The following PLEKHH1 variants were observed in gnomAD, a reference collection of about 807,000 sequenced individuals.
PLEKHH1 encodes pleckstrin homology, MyTH4 and FERM domain containing H1, also known as pleckstrin homology domain-containing family H member 1.
A neutral mutation model predicts 160.0 loss-of-function variants in PLEKHH1; 104 were observed. That is an observed-to-expected ratio of 0.65 (90% confidence interval 0.55 to 0.76). The LOEUF (loss-of-function observed/expected upper bound fraction) is 0.76. Among genes scored for constraint, PLEKHH1 ranks in the 30% least tolerant of loss-of-function variants. The pLI is 0.00. For missense variants in PLEKHH1, 1,427 were observed against 1,724.1 expected, an observed-to-expected ratio of 0.83 and a Z score of 3.05; for synonymous variants, 619 against 678.4, an observed-to-expected ratio of 0.91 and a Z score of 1.36.
chr14:67,577,970 C>T lies in PLEKHH1; in HGVS notation c.2575-53C>T, dbSNP rs1340671462. On this transcript the variant is annotated intron_variant, in intron 18 of 28. Coordinates refer to ENST00000329153, the MANE Select transcript of PLEKHH1 (RefSeq NM_020715.3). ...TGGAAAATGGCCAAGCCGTTGAGTTCTCTGAACCCAGGGGATGCTGGTCTG... is the reference window on the plus strand; with the variant it reads ...TGGAAAATGGCCAAGCCGTTGAGTTTTCTGAACCCAGGGGATGCTGGTCTG... The T allele has an allele frequency of 3.0e-5, 46 of 1,554,720 alleles. No individual in the cohort carries two copies. In the East Asian group the frequency reaches 7.9e-4, roughly 27 times the overall value.
In PLEKHH1 at chr14:67,578,429, C is replaced by T; in HGVS notation, c.2752-105C>T. The T allele has an allele frequency of 1.1e-6, 1 of 903,312 alleles. No individual in the cohort carries two copies. Among genetic ancestry groups the T allele is most frequent in the Non-Finnish European group, 1.8e-6 (1 of 567,410 alleles). 56.0% of individuals were successfully genotyped at this position (903,312 alleles called of 1,614,324 possible). ...CCCAGCACCCAGAGCAAGTTGGGGGCTCTGGTTTGGGGAAAGAGTGCTGAA... is the reference window on the plus strand; with the variant it reads ...CCCAGCACCCAGAGCAAGTTGGGGGTTCTGGTTTGGGGAAAGAGTGCTGAA... On this transcript the variant is annotated intron_variant, in intron 19 of 28. Transcript: ENST00000329153. The surrounding 1 kb of genome is among the most constrained non-coding windows in gnomAD (Gnocchi z 5.0).
chr14:67,572,744 T>C (rs1390607335), intron 11 of PLEKHH1, among the ~76,000 whole-genome samples: 1 of 152,132 alleles, frequency 6.6e-6, no homozygotes, highest in African/African-American at 2.4e-5. Flanking sequence ...ATGCCAGGGC[T>C]AGCATCCACT....
rs1256164738 is a variant in PLEKHH1, at chr14:67,588,267, T to G, written c.*1032T>G. 1 of 152,598 alleles carries G rather than the reference T, an allele frequency of 6.6e-6. No homozygotes were observed. The highest frequency in any genetic ancestry group is 2.4e-5 in the African/African-American group (1 of 41,434). 9.5% of individuals were successfully genotyped at this position (152,598 alleles called of 1,614,324 possible). ...TCGGTGAAGGCTGTGTTCACTGTAGTGGGCCATCATTTGTTTCCTTCTTCT... is the reference window on the plus strand; with the variant it reads ...TCGGTGAAGGCTGTGTTCACTGTAGGGGGCCATCATTTGTTTCCTTCTTCT... On this transcript the variant is annotated 3_prime_UTR_variant, in exon 29 of 29. Transcript: ENST00000329153.
intron 3 of PLEKHH1, among the ~76,000 whole-genome samples, chr14:67,557,026 T>C (rs530734587): frequency 1.3e-5 from 2 of 152,322 alleles, no homozygotes; most frequent in South Asian, 4.1e-4. Flanking sequence ...TCTGCCCTCC[T>C]CTTACCTATC....
intron 2 of PLEKHH1, among the ~76,000 whole-genome samples, chr14:67,551,590 G>T (rs1027059499): frequency 3.3e-5 from 5 of 152,076 alleles, no homozygotes; most frequent in African/African-American, 2.4e-5. Context: ...TCTCTCCCGT[G>T]GGTGCAAGGC....
At chr14:67,585,239 A>G (rs371590641) in intron 26 of PLEKHH1, 4 of 211,620 alleles carry the variant, frequency 1.9e-5, no homozygotes, top group Non-Finnish European at 3.7e-5. Context: ...CTAACAGAGC[A>G]GCTAGGGCTG....
At chr14:67,544,359 T>G (rs1158614669) in intron 2 of PLEKHH1, among the ~76,000 whole-genome samples, 1 of 152,112 alleles carries the variant, frequency 6.6e-6, no homozygotes, top group African/African-American at 2.4e-5. Context: ...GTGATACCCC[T>G]GGGGAGCCTG....
rs775016060 is a variant in PLEKHH1 at position 67,582,035 on chromosome 14, G to A, written c.3285-34G>A. 6.3e-7 allele frequency: 1 copy of A among 1,590,322 alleles called. No homozygotes were observed. The highest frequency in any genetic ancestry group is 8.6e-7 in the Non-Finnish European group (1 of 1,167,802). On this transcript the variant is annotated intron_variant, in intron 23 of 28. Transcript: ENST00000329153. This position sits in a 1 kb window ranked among gnomAD's most constrained non-coding sequence, Gnocchi z 5.0. The stretch of plus-strand genomic sequence containing the variant: ...AGCCCCATCCCTGTTTGGAATCCCT[G>A]CTGAGTCCTGGTTTCTTATTCTCTT...
chr14:67,558,397 T>G (rs1594760241), intron 4 of PLEKHH1, among the ~76,000 whole-genome samples: 2 of 152,032 alleles, frequency 1.3e-5, no homozygotes, highest in African/African-American at 4.8e-5. Flanking sequence ...TTAATGGAGG[T>G]GCCTTTGTAT....
rs2034140031 is a variant in PLEKHH1 at position 67,545,481 on chromosome 14, G to A, written c.126+3488G>A. ...TTCATACCTCAAATCAGTAGAGAGA[G>A]GAAATGAAAAAAGGAAAGTCTATTA... On this transcript the variant is annotated intron_variant, in intron 2 of 28. Transcript: ENST00000329153. 2.0e-5 allele frequency among the ~76,000 whole-genome samples: 3 copies of A among 151,590 alleles called. No individual in the cohort carries two copies. In the South Asian group the frequency reaches 6.2e-4, roughly 31 times the overall value.
In PLEKHH1 at chr14:67,562,234, C is replaced by T; in HGVS notation, c.603C>T (p.Gly201=). The part of the protein sequence containing the change: ...VPSEPGIQPM[G]QDSGSQAQGL... ...CAGAGCCGGGAATCCAGCCTATGGG[C>T]CAGGACAGTGGCTCCCAGGCCCAGG... The change falls in exon 7 of 29, where the codon GGC becomes GGT. Residue 201 remains glycine, a synonymous_variant. Coordinates refer to ENST00000329153, the MANE Select transcript of PLEKHH1 (RefSeq NM_020715.3). 1 of 1,612,390 alleles carries T rather than the reference C, an allele frequency of 6.2e-7. No homozygotes were observed. Among genetic ancestry groups the T allele is most frequent in the Non-Finnish European group, 8.5e-7 (1 of 1,179,120 alleles).
At chr14:67,579,549 C>A in intron 21 of PLEKHH1, 172 bp from the exon 22 acceptor site, 2 of 679,672 alleles carry the variant, frequency 2.9e-6, no homozygotes, top group Non-Finnish European at 2.5e-6. Context: ...AGTGGATAAG[C>A]TCACATCCCT....
Position 67,585,788 on chromosome 14 carries a change from CTCTAG to C in PLEKHH1, c.3786+140_3786+144del. On this transcript the variant is annotated intron_variant, in intron 27 of 28. Coordinates refer to ENST00000329153, the MANE Select transcript of PLEKHH1 (RefSeq NM_020715.3). ...CCCCACTCCTGCCCAAGCACCAGTC[CTCTAG>C]TCTAGACACTGCTTGTAGATATTCA... 6.9e-6 allele frequency: 7 copies of C among 1,009,040 alleles called. 1 individual carries two copies. Among genetic ancestry groups the C allele is most frequent in the Non-Finnish European group, 1.0e-5 (7 of 668,124 alleles). 62.5% of individuals were successfully genotyped at this position (1,009,040 alleles called of 1,614,324 possible). A position where few individuals can be genotyped will look rare whatever the true frequency, so the allele number is the denominator to read the frequency against.
At chr14:67,543,944 G>T (rs888965328) in intron 2 of PLEKHH1, among the ~76,000 whole-genome samples, 2 of 152,118 alleles carry the variant, frequency 1.3e-5, no homozygotes, top group African/African-American at 4.8e-5. Context: ...GCTGATTGAG[G>T]GGCAGGTGGT....
intron 11 of PLEKHH1, 142 bp downstream of exon 11, chr14:67,572,419 G>GC: frequency 1.5e-6 from 1 of 645,840 alleles, no homozygotes; most frequent in South Asian, 1.9e-5. Flanking sequence ...GCGTGGGCTG[G>GC]GGGGGTGTAC....
At chr14:67,534,757 TAGGGGA>T (rs1313141591) in intron 1 of PLEKHH1, among the ~76,000 whole-genome samples, 1 of 151,704 alleles carries the variant, frequency 6.6e-6, no homozygotes, top group African/African-American at 2.4e-5. Flanking sequence ...TCACCAGCTG[TAGGGGA>T]GAGCATGTTC....
intron 1 of PLEKHH1, among the ~76,000 whole-genome samples, chr14:67,534,723 A>C (rs551192064): frequency 6.6e-6 from 1 of 152,108 alleles, no homozygotes; most frequent in Admixed American, 6.6e-5. Flanking sequence ...AAAAATGTGG[A>C]GCCTCTTCTG....
chr14:67,550,478 C>T (rs1364106043), intron 2 of PLEKHH1, among the ~76,000 whole-genome samples: 8 of 152,200 alleles, frequency 5.3e-5, no homozygotes, highest in South Asian at 2.1e-4. Context: ...CGTGCACCAC[C>T]GCGCCCAGCC....
chr14:67,561,520 C>T lies in PLEKHH1; in HGVS notation c.424-434C>T, dbSNP rs955505814. 3.9e-5 allele frequency among the ~76,000 whole-genome samples: 6 copies of T among 151,984 alleles called. No homozygotes were observed. The East Asian group carries it at 9.6e-4, about 24-fold the overall frequency. On this transcript the variant is annotated intron_variant, in intron 5 of 28. Coordinates refer to ENST00000329153, the MANE Select transcript of PLEKHH1 (RefSeq NM_020715.3). ...CAGAGGTTGCAGTGAGCCAAGATTGCACCACTGCACTCCAGCCTGGGTGAT... is the reference window on the plus strand; with the variant it reads ...CAGAGGTTGCAGTGAGCCAAGATTGTACCACTGCACTCCAGCCTGGGTGAT...
Sources: gnomAD v4.1 joint callset for allele counts (sites outside exome capture counted in the v4.1 genomes callset) on GRCh38, gnomAD v4.1.1 for gene constraint, Gnocchi (gnomAD v3.1) non-coding constraint, MANE v1.5 for transcripts, NCBI Gene and HGNC (gene_info 2026-07-23, HGNC 2026-07-21) for gene names.